SYN3: variants seen among roughly 807,000 people sequenced by gnomAD.
SYN3 encodes synapsin III.
Under a neutral mutation model 65.8 loss-of-function variants are expected in SYN3, and 35 were observed. The observed-to-expected ratio is 0.53, with a 90% CI of 0.41 to 0.70. The LOEUF is 0.70. SYN3 is among the 30% of genes least tolerant of loss of function. The pLI is 0.00. For missense variants in SYN3, 680 were observed against 749.0 expected (o/e 0.91, Z 1.08); for synonymous variants, 270 against 292.9 (o/e 0.92, Z 0.80).
intron 6 of SYN3, among the ~76,000 whole-genome samples, chr22:32,855,619 G>A (rs2048340739): frequency 6.6e-6 from 1 of 152,160 alleles, no homozygotes; most frequent in African/African-American, 2.4e-5. Context: ...TGATTCGTGG[G>A]CTAATATTAA....
intron 1 of SYN3, among the ~76,000 whole-genome samples, chr22:33,056,929 G>C (rs752305414): frequency 1.3e-5 from 2 of 152,192 alleles, no homozygotes; most frequent in Non-Finnish European, 2.9e-5. Flanking sequence ...TTGAAGATGA[G>C]AAAAGAAGAG....
chr22:32,544,435 T>G (rs2058306863), intron 7 of SYN3, among the ~76,000 whole-genome samples: 1 of 152,206 alleles, frequency 6.6e-6, no homozygotes, highest in Non-Finnish European at 1.5e-5. Context: ...CACTTGCCCC[T>G]CAACCCACTT....
At chr22:32,929,643 C>T (rs1473173897) in intron 4 of SYN3, among the ~76,000 whole-genome samples, 2 of 152,154 alleles carry the variant, frequency 1.3e-5, no homozygotes, top group Non-Finnish European at 1.5e-5. Flanking sequence ...GGTATTCAAA[C>T]TGCAATTCAA....
intron 2 of SYN3, among the ~76,000 whole-genome samples, chr22:33,005,968 A>G (rs1488959361): frequency 6.6e-6 from 1 of 152,196 alleles, no homozygotes; most frequent in Non-Finnish European, 1.5e-5. Context: ...CTCCATATCA[A>G]ACACATTCAG....
chr22:32,563,222 C>T (rs2058612490), intron 7 of SYN3, among the ~76,000 whole-genome samples: 1 of 152,200 alleles, frequency 6.6e-6, no homozygotes, highest in African/African-American at 2.4e-5. Context: ...CCAGGCAGGG[C>T]CTGGCATGTA....
chr22:32,575,494 G>A (rs1345590588), intron 7 of SYN3, among the ~76,000 whole-genome samples: 2 of 152,218 alleles, frequency 1.3e-5, no homozygotes, highest in Non-Finnish European at 1.5e-5. Context: ...AGCTGCCTCA[G>A]CTACCTGCCC....
At chr22:32,700,279 A>T (rs2060793811) in intron 6 of SYN3, among the ~76,000 whole-genome samples, 1 of 152,162 alleles carries the variant, frequency 6.6e-6, no homozygotes, top group Non-Finnish European at 1.5e-5. Flanking sequence ...GGAATCTGAG[A>T]GATTTTGCCC....
Position 32,581,796 on chromosome 22 carries a change from T to TC in SYN3, c.774+14877_774+14878insG, listed in dbSNP as rs201238501. On this transcript the variant is annotated intron_variant, in intron 7 of 13. Transcript: ENST00000358763. ...TTTTCTTTTCTTTCTTTCTTTCTTT[T>TC]TTTTTTTTTTTTTTTTTTGAGACAG... is the stretch of plus-strand genomic sequence containing the variant. Among the ~76,000 whole-genome samples, 97 of 42,954 alleles carry TC rather than the reference T, an allele frequency of 2.3e-3. 1 individual carries two copies. Among genetic ancestry groups the TC allele is most frequent in the South Asian group, 4.8e-3 (7 of 1,448 alleles). 28.2% of individuals were successfully genotyped at this position (42,954 alleles called of 152,430 possible).
At chr22:32,788,512 G>A (rs1230444280) in intron 6 of SYN3, among the ~76,000 whole-genome samples, 4 of 151,530 alleles carry the variant, frequency 2.6e-5, no homozygotes, top group Non-Finnish European at 5.9e-5. Context: ...CTGCACTCCA[G>A]CCCAGGTAAC....
At chr22:32,815,823 A>T (rs2047075198) in intron 6 of SYN3, among the ~76,000 whole-genome samples, 1 of 152,178 alleles carries the variant, frequency 6.6e-6, no homozygotes, top group Non-Finnish European at 1.5e-5. Context: ...GAGTCCGAGC[A>T]ATCTCACCAA....
rs551585070 is a variant in SYN3 at position 32,782,108 on chromosome 22, G to A, written c.711+82807C>T. On this transcript the variant is annotated intron_variant, in intron 6 of 13. Transcript: ENST00000358763. The stretch of plus-strand genomic sequence containing the variant: ...TTTTTTGACAAAGTTTCACCTTGTC[G>A]CCCAGGCTGGAGTGCAATGGCATGA... Among the ~76,000 whole-genome samples the A allele has an allele frequency of 1.0e-4, 15 of 149,790 alleles. No homozygotes were observed. The South Asian group carries it at 1.5e-3, about 15-fold the overall frequency.
intron 6 of SYN3, among the ~76,000 whole-genome samples, chr22:32,687,365 T>C (rs1907438246): frequency 6.6e-6 from 1 of 151,732 alleles, no homozygotes; most frequent in African/African-American, 2.4e-5. Flanking sequence ...GGTTTCACCA[T>C]GTTCGCCAGG....
intron 4 of SYN3, among the ~76,000 whole-genome samples, chr22:32,874,592 T>C (rs1007192368): frequency 1.3e-5 from 2 of 152,176 alleles, no homozygotes; most frequent in African/African-American, 4.8e-5. Context: ...TGGCTGGACT[T>C]TGCCTGGGAC....
chr22:32,982,822 G>A (rs920792235), intron 2 of SYN3, among the ~76,000 whole-genome samples: 5 of 152,184 alleles, frequency 3.3e-5, no homozygotes, highest in African/African-American at 1.2e-4. Context: ...CTGCTATAGA[G>A]TTTAACCTAC....
chr22:32,809,023 A>G (rs966866421), intron 6 of SYN3, among the ~76,000 whole-genome samples: 2 of 152,144 alleles, frequency 1.3e-5, no homozygotes, highest in Admixed American at 1.3e-4. Flanking sequence ...GAAAGTGGAG[A>G]TTTCTAAATG....
intron 4 of SYN3, among the ~76,000 whole-genome samples, chr22:32,878,264 G>A (rs769150571): frequency 6.6e-5 from 10 of 152,160 alleles, no homozygotes; most frequent in South Asian, 2.1e-4. Flanking sequence ...GGAACTGGGC[G>A]TATGTCACCC....
At chr22:32,858,567 C>T (rs1406163768) in intron 6 of SYN3, among the ~76,000 whole-genome samples, 8 of 152,180 alleles carry the variant, frequency 5.3e-5, no homozygotes, top group African/African-American at 1.9e-4. Flanking sequence ...AGACCAGATG[C>T]TACAGAAGGT....
chr22:32,757,329 C>A (rs1349481757), intron 6 of SYN3, among the ~76,000 whole-genome samples: 1 of 132,084 alleles, frequency 7.6e-6, no homozygotes, highest in Non-Finnish European at 1.6e-5. Flanking sequence ...TGGAGTTTTG[C>A]TCTTCTTGCC....
intron 3 of SYN3, among the ~76,000 whole-genome samples, chr22:32,958,660 T>C (rs1325600594): frequency 1.3e-5 from 2 of 152,232 alleles, no homozygotes; most frequent in African/African-American, 4.8e-5. Context: ...CATGTAGTAA[T>C]GAATCCTGAC....
Sources: gnomAD v4.1 joint callset for allele counts (sites outside exome capture counted in the v4.1 genomes callset) on GRCh38, gnomAD v4.1.1 for gene constraint, MANE v1.5 for transcripts, NCBI Gene and HGNC (gene_info 2026-07-23, HGNC 2026-07-21) for gene names.